KLF15: variants seen among roughly 807,000 people sequenced by gnomAD.
The protein encoded by KLF15 is KLF transcription factor 15, also known as Krueppel-like factor 15.
KLF15 carries 4 observed loss-of-function variants against 24.6 expected under a neutral mutation model. The ratio of observed to expected loss-of-function variants is 0.16; its 90% CI spans 0.08 to 0.37. KLF15 has a LOEUF of 0.37. Ranked by LOEUF, KLF15 falls within the 10% of genes least tolerant of loss-of-function variation. KLF15 has a pLI of 1.00. For synonymous variants in KLF15, 246 were observed against 236.3 expected (o/e 1.04, Z -0.37); for missense variants, 496 against 560.6 (o/e 0.88, Z 1.16).
Position 126,343,560 on chromosome 3 carries a change from G to A in KLF15, c.*167C>T. ...CGGGTTCGAGGCTCTAAGTACTCCC[G>A]AGAAAGGCAGCGGTTGGCGGGCCCT... On this transcript the variant is annotated 3_prime_UTR_variant, in exon 3 of 3. Coordinates refer to ENST00000296233, the MANE Select transcript of KLF15 (RefSeq NM_014079.4). The A allele has an allele frequency of 1.5e-6, 1 of 667,184 alleles. No homozygotes were observed. Among genetic ancestry groups the A allele is most frequent in the Non-Finnish European group, 2.5e-6 (1 of 403,234 alleles). The allele number at this position is 667,184 out of a possible 1,614,324, so 41.3% of individuals were successfully genotyped here.
the KLF15 span, among the ~76,000 whole-genome samples, chr3:126,301,158 T>A: frequency 6.6e-6 from 1 of 152,218 alleles, no homozygotes; most frequent in Non-Finnish European, 1.5e-5. Flanking sequence ...GAACTTTTCT[T>A]CCTGCCCCAT....
intron 2 of KLF15, among the ~76,000 whole-genome samples, chr3:126,348,026 G>A (rs995027656): frequency 2.6e-5 from 4 of 152,304 alleles, no homozygotes; most frequent in East Asian, 3.9e-4. Context: ...GAGTAGGTGA[G>A]TGTGTAGAGC....
rs370847189 is a variant in KLF15 at position 126,353,005 on chromosome 3, G to A, written c.-25-58C>T. The A allele has an allele frequency of 9.9e-5, 149 of 1,508,976 alleles. No homozygotes were observed. In the African/African-American group the frequency reaches 1.5e-3, roughly 15 times the overall value. 93.5% of individuals were successfully genotyped at this position (1,508,976 alleles called of 1,614,324 possible). On this transcript the variant is annotated intron_variant, in intron 1 of 2. Coordinates refer to ENST00000296233, the MANE Select transcript of KLF15 (RefSeq NM_014079.4). Reference sequence around the variant, plus strand: ...AAGGACAGTGCTCACCTGCCACCTCGCAGGCCTCTGACCCCACCCTCAGCT... The same window carrying A: ...AAGGACAGTGCTCACCTGCCACCTCACAGGCCTCTGACCCCACCCTCAGCT...
Position 126,352,700 on chromosome 3 carries a change from T to C in KLF15, c.223A>G (p.Ser75Gly). The change falls in exon 2 of 3, where the codon AGC becomes GGC. Residue 75 changes from serine to glycine, a missense_variant. Physicochemically the swap from Ser to Gly is moderately conservative, Grantham distance 56. Around this residue, in one of 3 missense-constraint regions of KLF15, gnomAD observed 399 missense variants for 423.1 expected, o/e 0.94. Transcript: ENST00000296233. ...GGGLGTESQD[S>G]ILDFLLSQAT... ...TGGGACAATAGGAAGTCCAAGATGC[T>C]GTCCTGGCTCTCGGTGCCCAGGCCT... is the stretch of plus-strand genomic sequence containing the variant. 6.3e-7 allele frequency: 1 copy of C among 1,588,490 alleles called. No homozygotes were observed. The highest frequency in any genetic ancestry group is 1.7e-4 in the Middle Eastern group (1 of 6,020).
chr3:126,294,959 A>C, the KLF15 span, among the ~76,000 whole-genome samples: 1 of 152,044 alleles, frequency 6.6e-6, no homozygotes, highest in Non-Finnish European at 1.5e-5. Context: ...ATACACACAA[A>C]CATGTATATA....
intron 1 of KLF15, 51 bp from the exon 2 acceptor site, chr3:126,352,998 C>T (rs1278546503): frequency 1.3e-6 from 2 of 1,519,468 alleles, no homozygotes; most frequent in Non-Finnish European, 1.8e-6. Context: ...TGCTCACCTG[C>T]CACCTCGCAG....
At position 126,356,194 on chromosome 3, in the gene KLF15, C is replaced by A. The variant is rs550886380; in HGVS notation, c.-26+1043G>T. On this transcript the variant is annotated intron_variant, in intron 1 of 2. Coordinates refer to ENST00000296233, the MANE Select transcript of KLF15 (RefSeq NM_014079.4). This position sits in a 1 kb window ranked among gnomAD's most constrained non-coding sequence, Gnocchi z 4.4. ...GGGGGCTGTCCTTCAAAATAAGAGTCTCCGGTCCCTGAGCCGCCCGCAGGC... is the reference window on the plus strand; with the variant it reads ...GGGGGCTGTCCTTCAAAATAAGAGTATCCGGTCCCTGAGCCGCCCGCAGGC... 4.6e-5 allele frequency among the ~76,000 whole-genome samples: 7 copies of A among 152,252 alleles called. No individual in the cohort carries two copies. In the East Asian group the frequency reaches 7.8e-4, roughly 17 times the overall value.
chr3:126,315,406 T>C, the KLF15 span, among the ~76,000 whole-genome samples: 2 of 152,184 alleles, frequency 1.3e-5, no homozygotes, highest in African/African-American at 4.8e-5. Flanking sequence ...AGTGGTAGGA[T>C]GGGCCCAGCC....
At chr3:126,341,685 C>A (rs2082480354), downstream of KLF15, among the ~76,000 whole-genome samples, 1 of 152,160 alleles carries the variant, frequency 6.6e-6, no homozygotes, top group African/African-American at 2.4e-5. Flanking sequence ...AGATGCACGA[C>A]CTCACACAGA....
chr3:126,316,569 G>A, the KLF15 span, among the ~76,000 whole-genome samples: 122 of 150,738 alleles, frequency 8.1e-4, no homozygotes, highest in Admixed American at 1.6e-3. Flanking sequence ...ACACGGGCTG[G>A]AGTAGGGAAG....
At chr3:126,341,403 T>A (rs952976095), downstream of KLF15, among the ~76,000 whole-genome samples, 1 of 151,982 alleles carries the variant, frequency 6.6e-6, no homozygotes, top group Non-Finnish European at 1.5e-5. Context: ...CAGACAACAA[T>A]CCTCCCTGTC....
chr3:126,308,758 A>G, the KLF15 span, among the ~76,000 whole-genome samples: 1 of 152,146 alleles, frequency 6.6e-6, no homozygotes, highest in Admixed American at 6.5e-5. Flanking sequence ...TTCCCCAAAA[A>G]CAGCAGCCTG....
In KLF15 at chr3:126,346,558, G is replaced by T. The variant is rs77160029; in HGVS notation, c.1083-2663C>A. Among the ~76,000 whole-genome samples the T allele has an allele frequency of 8.3e-4, 127 of 152,262 alleles. 1 individual carries two copies. The East Asian group carries it at 0.021, about 25-fold the overall frequency. On this transcript the variant is annotated intron_variant, in intron 2 of 2. Coordinates refer to ENST00000296233, the MANE Select transcript of KLF15 (RefSeq NM_014079.4). ...TCAAAGGCCACAGGTGGTGACGTGGGGCCACACAGATCTCTGGTCATGGTG... is the reference window on the plus strand; with the variant it reads ...TCAAAGGCCACAGGTGGTGACGTGGTGCCACACAGATCTCTGGTCATGGTG...
chr3:126,302,133 C>T, the KLF15 span, among the ~76,000 whole-genome samples: 1 of 152,150 alleles, frequency 6.6e-6, no homozygotes. Context: ...TCTTCCTTTG[C>T]CCATGGGTTA....
At chr3:126,344,001 A>T in intron 2 of KLF15, 106 bp from the exon 3 acceptor site, 1 of 1,226,038 alleles carries the variant, frequency 8.2e-7, no homozygotes, top group Non-Finnish European at 1.1e-6. Flanking sequence ...ACTCACCCAA[A>T]GGGTGGCTGC....
At chr3:126,323,399 G>T in the KLF15 span, among the ~76,000 whole-genome samples, 1 of 39,220 alleles carries the variant, frequency 2.5e-5, no homozygotes, top group African/African-American at 1.4e-4. Context: ...CTTAGCCCCA[G>T]TAGTTATATA....
chr3:126,345,440 C>A (rs997534687), intron 2 of KLF15, among the ~76,000 whole-genome samples: 13 of 152,050 alleles, frequency 8.5e-5, no homozygotes, highest in Admixed American at 8.5e-4. Flanking sequence ...CCTAGGGGGG[C>A]AGACACTGTC....
chr3:126,331,145 T>A, the KLF15 span, among the ~76,000 whole-genome samples: 1 of 152,106 alleles, frequency 6.6e-6, no homozygotes, highest in Non-Finnish European at 1.5e-5. Context: ...GGTCACAAAC[T>A]AGAGAGTCAC....
At chr3:126,350,684 C>T (rs554147107) in intron 2 of KLF15, among the ~76,000 whole-genome samples, 10 of 152,382 alleles carry the variant, frequency 6.6e-5, no homozygotes, top group Admixed American at 3.3e-4. Context: ...GGCAGCCACA[C>T]ATGGTGCACA....
Sources: gnomAD v4.1 joint callset for allele counts (sites outside exome capture counted in the v4.1 genomes callset) on GRCh38, gnomAD v4.1.1 for gene constraint, gnomAD v4.1.1 regional missense constraint, Gnocchi (gnomAD v3.1) non-coding constraint, MANE v1.5 for transcripts, NCBI Gene and HGNC (gene_info 2026-07-23, HGNC 2026-07-21) for gene names.